Variants in LRP1B observed in about 807,000 individuals in gnomAD.
The protein encoded by LRP1B is low-density lipoprotein receptor-related protein 1B.
LRP1B carries 217 observed loss-of-function variants against 556.6 expected under a neutral mutation model. The ratio of observed to expected loss-of-function variants is 0.39; its 90% confidence interval spans 0.35 to 0.44. The LOEUF (loss-of-function observed/expected upper bound fraction) is 0.44. Ranked by LOEUF, LRP1B falls within the 20% of genes least tolerant of loss-of-function variation. The pLI is 1.00. For missense variants in LRP1B, 5,053 were observed against 5,620.8 expected, an observed-to-expected ratio of 0.90 and a Z score of 3.23; for synonymous variants, 2,047 against 1,865.8, an observed-to-expected ratio of 1.10 and a Z score of -2.50.
chr2:140,654,844 T>G (rs1684820046), intron 41 of LRP1B, among the ~76,000 whole-genome samples: 2 of 152,222 alleles, frequency 1.3e-5, no homozygotes. Flanking sequence ...GCTCTCCGTA[T>G]TGTTCACTCA....
intron 1 of LRP1B, among the ~76,000 whole-genome samples, chr2:141,843,130 C>A (rs992301009): frequency 6.6e-6 from 1 of 152,020 alleles, no homozygotes; most frequent in Non-Finnish European, 1.5e-5. Flanking sequence ...CAGTGGGTTT[C>A]TTCTGTTCTT....
At chr2:141,396,329 T>C (rs963737166) in intron 3 of LRP1B, among the ~76,000 whole-genome samples, 4 of 152,144 alleles carry the variant, frequency 2.6e-5, no homozygotes, top group Non-Finnish European at 5.9e-5. Flanking sequence ...TTAATTCTCA[T>C]TATCAAAAAA....
At chr2:140,892,310 T>C (rs2105203840) in intron 23 of LRP1B, among the ~76,000 whole-genome samples, 1 of 152,214 alleles carries the variant, frequency 6.6e-6, no homozygotes, top group African/African-American at 2.4e-5. Flanking sequence ...GATGGGTGAC[T>C]GAACGGAGGC....
chr2:140,670,171 C>A (rs921197425), intron 41 of LRP1B, among the ~76,000 whole-genome samples: 2 of 152,058 alleles, frequency 1.3e-5, no homozygotes, highest in African/African-American at 2.4e-5. Context: ...CACTACGCAT[C>A]CAATTTATGT....
At chr2:141,148,454 G>A (rs1007841720) in intron 7 of LRP1B, among the ~76,000 whole-genome samples, 1 of 152,146 alleles carries the variant, frequency 6.6e-6, no homozygotes, top group African/African-American at 2.4e-5. Flanking sequence ...CCTGGCCTTA[G>A]GAGAAGCCAC....
At chr2:140,645,533 C>CTTTTTTT (rs36082249) in intron 41 of LRP1B, among the ~76,000 whole-genome samples, 169 of 81,218 alleles carry the variant, frequency 2.1e-3, no homozygotes, top group African/African-American at 2.3e-3. Context: ...TGCCAATATT[C>CTTTTTTT]TTTTTTTTTT....
At chr2:140,993,174 A>T (rs1404643871) in intron 16 of LRP1B, among the ~76,000 whole-genome samples, 1 of 152,058 alleles carries the variant, frequency 6.6e-6, no homozygotes, top group Non-Finnish European at 1.5e-5. Flanking sequence ...CAGACCTAAA[A>T]AAGGACATTT....
intron 27 of LRP1B, among the ~76,000 whole-genome samples, chr2:140,862,729 T>C (rs1244302106): frequency 6.6e-6 from 1 of 152,224 alleles, no homozygotes; most frequent in East Asian, 1.9e-4. Context: ...AATGTCTAGA[T>C]AGCTGGTAAA....
chr2:140,806,592 A>G lies in LRP1B; in HGVS notation c.5359+7065T>C, dbSNP rs571987076. ...AAACTCTTGACCTTGACAAATTACT[A>G]CATGACTCATTTTCATAAACAATGT... On this transcript the variant is annotated intron_variant, in intron 32 of 90. Coordinates refer to ENST00000389484, the MANE Select transcript of LRP1B (RefSeq NM_018557.3). Among the ~76,000 whole-genome samples, 9 of 152,306 alleles carry G rather than the reference A, an allele frequency of 5.9e-5. No individual in the cohort carries two copies. The South Asian group carries it at 1.9e-3, about 32-fold the overall frequency.
rs539857515 is a variant in LRP1B, at chr2:140,800,529, G to A, written c.5359+13128C>T. ...TACGTCTCTTAGGGGATTGCTGCGA[G>A]AATTACACAAGTATAGAATTGTAAA... On this transcript the variant is annotated intron_variant, in intron 32 of 90. Coordinates refer to ENST00000389484, the MANE Select transcript of LRP1B (RefSeq NM_018557.3). Among the ~76,000 whole-genome samples, 166 of 152,238 alleles carry A rather than the reference G, an allele frequency of 1.1e-3. 1 individual carries two copies. Among genetic ancestry groups the A allele is most frequent in the Admixed American group, 2.4e-3 (37 of 15,278 alleles).
chr2:140,830,100 A>T (rs1203235914), intron 31 of LRP1B, among the ~76,000 whole-genome samples: 5 of 151,990 alleles, frequency 3.3e-5, no homozygotes, highest in African/African-American at 1.2e-4. Flanking sequence ...GAGTAATGAG[A>T]TTAAATGAGA....
intron 35 of LRP1B, among the ~76,000 whole-genome samples, chr2:140,753,518 A>G (rs1688651228): frequency 6.6e-6 from 1 of 152,204 alleles, no homozygotes; most frequent in African/African-American, 2.4e-5. Flanking sequence ...TTGACATGAG[A>G]AGCCTAGTAG....
At chr2:141,772,564 C>T (rs1694936111) in intron 2 of LRP1B, among the ~76,000 whole-genome samples, 1 of 152,180 alleles carries the variant, frequency 6.6e-6, no homozygotes, top group South Asian at 2.1e-4. Flanking sequence ...GGTGGATTCA[C>T]AAGACCTCCA....
chr2:141,820,217 T>G (rs547314896), intron 1 of LRP1B, among the ~76,000 whole-genome samples: 1 of 152,328 alleles, frequency 6.6e-6, no homozygotes, highest in South Asian at 2.1e-4. Context: ...CAATTGTAAC[T>G]TAGCCAAATA....
In LRP1B at chr2:141,535,520, C is replaced by T. The variant is rs950967858; in HGVS notation, c.206-54987G>A. On this transcript the variant is annotated intron_variant, in intron 2 of 90. Coordinates refer to ENST00000389484, the MANE Select transcript of LRP1B (RefSeq NM_018557.3). ...AGAGAACTGCCATTTCTAGTATTCTCGAAATTGAAGCAATGGTATAAAAAA... is the reference window on the plus strand; with the variant it reads ...AGAGAACTGCCATTTCTAGTATTCTTGAAATTGAAGCAATGGTATAAAAAA... Among the ~76,000 whole-genome samples, 5 of 149,130 alleles carry T rather than the reference C, an allele frequency of 3.4e-5. No individual in the cohort carries two copies. The Admixed American group carries it at 3.4e-4, about 10-fold the overall frequency.
intron 1 of LRP1B, among the ~76,000 whole-genome samples, chr2:141,879,737 AC>A (rs1698890412): frequency 6.6e-6 from 1 of 152,004 alleles, no homozygotes; most frequent in Admixed American, 6.6e-5. Flanking sequence ...AAACAGACAA[AC>A]AAAAAACTTG....
At chr2:141,628,083 T>C (rs752171973) in intron 2 of LRP1B, among the ~76,000 whole-genome samples, 9 of 152,098 alleles carry the variant, frequency 5.9e-5, no homozygotes, top group Non-Finnish European at 1.2e-4. Context: ...GCAAACAGGG[T>C]CTCTGATCAC....
chr2:140,254,306 G>A (rs2104913032), intron 86 of LRP1B, among the ~76,000 whole-genome samples: 1 of 152,232 alleles, frequency 6.6e-6, no homozygotes, highest in East Asian at 1.9e-4. Context: ...ACAAGGTTTT[G>A]AGTATGTGAA....
intron 7 of LRP1B, among the ~76,000 whole-genome samples, chr2:141,150,869 T>TTGTGTGTG (rs56107003): frequency 0.14 from 19,060 of 138,092 alleles, 1,467 homozygotes; most frequent in Non-Finnish European, 0.16. Flanking sequence ...TCATGCTGGT[T>TTGTGTGTG]TGTGTGTGTG....
Sources: allele counts gnomAD v4.1 joint callset (sites outside exome capture counted in the v4.1 genomes callset), GRCh38; gene constraint gnomAD v4.1.1; transcripts MANE v1.5; gene names NCBI Gene and HGNC (gene_info 2026-07-23, HGNC 2026-07-21).